Variants in AUTS2 observed in about 807,000 individuals in gnomAD.
AUTS2 encodes the protein activator of transcription and developmental regulator AUTS2, also known as autism susceptibility gene 2 protein.
Under a neutral mutation model 112.4 loss-of-function variants are expected in AUTS2, and 17 were observed. The observed-to-expected ratio is 0.15, with a 90% CI of 0.10 to 0.23. The LOEUF (loss-of-function observed/expected upper bound fraction) is 0.23. AUTS2 is among the 10% of genes least tolerant of loss of function. The probability of loss-of-function intolerance (pLI) is 1.00; values close to 1 mark genes in which losing one functional copy is unlikely to be tolerated. For missense variants in AUTS2, 1,510 were observed against 1,701.6 expected (o/e 0.89, Z 1.98); for synonymous variants, 751 against 702.7 (o/e 1.07, Z -1.09).
Position 70,792,223 on chromosome 7 carries a change from G to C in AUTS2, c.*1227G>C, listed in dbSNP as rs543076136. The stretch of plus-strand genomic sequence containing the variant: ...GGTCAACCTTGTGGAGCCATCGCGA[G>C]TTAGAGGGTGAAAGATGGCAGAAAA... On this transcript the variant is annotated 3_prime_UTR_variant, in exon 19 of 19. Transcript: ENST00000342771. 13 of 152,642 alleles carry C rather than the reference G, an allele frequency of 8.5e-5. No individual in the cohort carries two copies. The highest frequency in any genetic ancestry group is 8.5e-4 in the Admixed American group (13 of 15,300). The allele number at this position is 152,642 out of a possible 1,614,324, so 9.5% of individuals were successfully genotyped here.
intron 4 of AUTS2, among the ~76,000 whole-genome samples, chr7:70,176,494 C>T (rs187959560): frequency 3.3e-5 from 5 of 152,312 alleles, no homozygotes; most frequent in Admixed American, 1.3e-4. Flanking sequence ...GTGCAAACAA[C>T]TGTCAACTGT....
chr7:69,916,615 T>A (rs1429338345), intron 2 of AUTS2, among the ~76,000 whole-genome samples: 1 of 152,180 alleles, frequency 6.6e-6, no homozygotes, highest in Non-Finnish European at 1.5e-5. Context: ...ATTTCCTTCC[T>A]TACTGTGTGC....
intron 5 of AUTS2, among the ~76,000 whole-genome samples, chr7:70,478,756 T>G (rs79459816): frequency 6.6e-6 from 1 of 152,004 alleles, no homozygotes; most frequent in Non-Finnish European, 1.5e-5. Context: ...TTTTTTTTTT[T>G]GCTCCAGTTT....
intron 4 of AUTS2, among the ~76,000 whole-genome samples, chr7:70,152,244 G>C (rs1347828482): frequency 6.6e-6 from 1 of 151,902 alleles, no homozygotes; most frequent in Admixed American, 6.6e-5. Flanking sequence ...GAGAGAGGAG[G>C]GTGAGAGGAC....
intron 2 of AUTS2, among the ~76,000 whole-genome samples, chr7:69,909,654 G>T (rs953240958): frequency 1.3e-5 from 2 of 152,008 alleles, no homozygotes; most frequent in South Asian, 2.1e-4. Flanking sequence ...TTGAATTTAC[G>T]ATTTTGATTC....
chr7:69,857,744 G>A (rs942954812), intron 1 of AUTS2, among the ~76,000 whole-genome samples: 2 of 152,018 alleles, frequency 1.3e-5, no homozygotes, highest in African/African-American at 4.8e-5. Flanking sequence ...GTGAACCTGG[G>A]AGGCGGAGGT....
intron 1 of AUTS2, among the ~76,000 whole-genome samples, chr7:69,852,455 A>G (rs1792527632): frequency 6.6e-6 from 1 of 150,716 alleles, no homozygotes; most frequent in East Asian, 2.0e-4. Context: ...TTTTTTCGAG[A>G]CAGAATCTCA....
rs928449972 is a variant in AUTS2 at position 69,895,547 on chromosome 7, C to CCG, written c.310-3738_310-3737insGC. Among the ~76,000 whole-genome samples the CCG allele has an allele frequency of 2.8e-5, 4 of 144,692 alleles. 1 individual carries two copies. Among genetic ancestry groups the CCG allele is most frequent in the Non-Finnish European group, 4.5e-5 (3 of 66,292 alleles). 94.9% of individuals were successfully genotyped at this position (144,692 alleles called of 152,430 possible). On this transcript the variant is annotated intron_variant, in intron 1 of 18. Coordinates refer to ENST00000342771, the MANE Select transcript of AUTS2 (RefSeq NM_015570.4). ...TTGATCCTCTCTCTCTCTTCTTCCC[C>CCG]CCCCCCGAGTGGAAAATCTCAATAT... is the stretch of plus-strand genomic sequence containing the variant.
chr7:70,113,909 A>C (rs1324918767), intron 2 of AUTS2, among the ~76,000 whole-genome samples: 2 of 152,244 alleles, frequency 1.3e-5, no homozygotes, highest in African/African-American at 4.8e-5. Flanking sequence ...CATGTTCATT[A>C]GCAGTGACAT....
intron 1 of AUTS2, among the ~76,000 whole-genome samples, chr7:69,621,928 T>C (rs948607827): frequency 1.2e-4 from 18 of 152,102 alleles, no homozygotes; most frequent in African/African-American, 4.3e-4. Context: ...AGGCCTTTTT[T>C]ACTTTAACCT....
intron 4 of AUTS2, among the ~76,000 whole-genome samples, chr7:70,278,619 A>G (rs1215712882): frequency 6.6e-6 from 1 of 151,712 alleles, no homozygotes; most frequent in Non-Finnish European, 1.5e-5. Context: ...ACATACATAC[A>G]TACATATGTA....
At chr7:70,208,061 A>G (rs777781358) in intron 4 of AUTS2, among the ~76,000 whole-genome samples, 1 of 151,796 alleles carries the variant, frequency 6.6e-6, no homozygotes, top group East Asian at 1.9e-4. Flanking sequence ...TTTATAATAG[A>G]AAAAAGGAGT....
intron 2 of AUTS2, among the ~76,000 whole-genome samples, chr7:70,108,866 C>CCTCGGCTT (rs1397999136): frequency 6.6e-6 from 1 of 150,996 alleles, no homozygotes; most frequent in Non-Finnish European, 1.5e-5. Context: ...CTTGAACCTG[C>CCTCGGCTT]CTCGGCTTCC....
At chr7:70,442,934 A>G (rs952187901) in intron 5 of AUTS2, among the ~76,000 whole-genome samples, 2 of 152,196 alleles carry the variant, frequency 1.3e-5, no homozygotes, top group Non-Finnish European at 2.9e-5. Context: ...ATTACATTGC[A>G]TACATCCCAA....
chr7:70,579,085 C>CGG (rs2129526829), intron 5 of AUTS2, among the ~76,000 whole-genome samples: 1 of 150,898 alleles, frequency 6.6e-6, no homozygotes, highest in African/African-American at 2.4e-5. Context: ...CATGCCACCA[C>CGG]ACCTGGCTAA....
chr7:70,378,567 G>A (rs564299667), intron 4 of AUTS2, among the ~76,000 whole-genome samples: 1 of 152,284 alleles, frequency 6.6e-6, no homozygotes, highest in African/African-American at 2.4e-5. Context: ...GGAAATAAAG[G>A]CTTAGAGAGG....
intron 1 of AUTS2, among the ~76,000 whole-genome samples, chr7:69,897,688 C>T (rs1158101291): frequency 3.3e-5 from 5 of 151,840 alleles, no homozygotes; most frequent in East Asian, 1.9e-4. Context: ...ACTGGGGAGG[C>T]GGAGGTTACA....
intron 1 of AUTS2, among the ~76,000 whole-genome samples, chr7:69,812,646 T>G (rs1790592223): frequency 6.6e-6 from 1 of 152,232 alleles, no homozygotes; most frequent in South Asian, 2.1e-4. Flanking sequence ...ATTTTGTTTA[T>G]TGCTGGTCAT....
At chr7:70,050,798 C>A (rs1287505478) in intron 2 of AUTS2, among the ~76,000 whole-genome samples, 3 of 152,094 alleles carry the variant, frequency 2.0e-5, no homozygotes, top group Non-Finnish European at 4.4e-5. Context: ...AGTTTGAGAC[C>A]AGCCTGGCCA....
Sources: allele counts gnomAD v4.1 joint callset (sites outside exome capture counted in the v4.1 genomes callset), GRCh38; gene constraint gnomAD v4.1.1; transcripts MANE v1.5; gene names NCBI Gene and HGNC (gene_info 2026-07-23, HGNC 2026-07-21).